The following TLN2 variants were observed in gnomAD, a reference collection of about 807,000 sequenced individuals.
TLN2 encodes the protein talin-2.
Under a neutral mutation model 294.7 loss-of-function variants are expected in TLN2, and 118 were observed. The ratio of observed to expected loss-of-function variants is 0.40; its 90% CI spans 0.34 to 0.47. The LOEUF is 0.47. Ranked by LOEUF, TLN2 falls within the 20% of genes least tolerant of loss-of-function variation. TLN2 has a pLI of 0.84. For missense variants in TLN2, 3,083 were observed against 3,282.2 expected (o/e 0.94, Z 1.48); for synonymous variants, 1,431 against 1,304.5 (o/e 1.10, Z -2.09).
chr15:62,618,657 C>A (rs1423978773), intron 3 of TLN2, among the ~76,000 whole-genome samples, 182 bp downstream of exon 3: 1 of 152,168 alleles, frequency 6.6e-6, no homozygotes, highest in Non-Finnish European at 1.5e-5. Context: ...TGAGTCAGAC[C>A]TTTGATGATT....
intron 1 of TLN2, among the ~76,000 whole-genome samples, chr15:62,569,607 G>A (rs1567115878): frequency 1.3e-5 from 2 of 152,230 alleles, no homozygotes; most frequent in South Asian, 4.1e-4. Flanking sequence ...TCTGGAGTCG[G>A]ATATCTCTCT....
rs539955417 is a variant in TLN2, at chr15:62,827,211, G to A, written c.7003-6293G>A. ...AAAGGCCAAGAAAAAGACCATGGGAGGACATTCTCTTCCCCTGCCCAACAC... is the reference window on the plus strand; with the variant it reads ...AAAGGCCAAGAAAAAGACCATGGGAAGACATTCTCTTCCCCTGCCCAACAC... On this transcript the variant is annotated intron_variant, in intron 54 of 58. Coordinates refer to ENST00000636159, the MANE Select transcript of TLN2 (RefSeq NM_015059.3). Among the ~76,000 whole-genome samples, 361 of 152,290 alleles carry A rather than the reference G, an allele frequency of 2.4e-3. 2 individuals carry two copies. Among genetic ancestry groups the A allele is most frequent in the African/African-American group, 8.3e-3 (343 of 41,564 alleles).
intron 22 of TLN2, among the ~76,000 whole-genome samples, chr15:62,713,464 A>T (rs754256315): frequency 6.6e-6 from 1 of 152,056 alleles, no homozygotes; most frequent in African/African-American, 2.4e-5. Context: ...GGATTACCTG[A>T]GGTCAGGAGT....
At chr15:62,721,101 C>G (rs550199853) in intron 25 of TLN2, among the ~76,000 whole-genome samples, 1 of 152,112 alleles carries the variant, frequency 6.6e-6, no homozygotes, top group Non-Finnish European at 1.5e-5. Context: ...CTTGTTTTCC[C>G]TTTTTCTTTT....
intron 22 of TLN2, among the ~76,000 whole-genome samples, chr15:62,715,698 A>C (rs1217048565): frequency 6.6e-6 from 1 of 152,084 alleles, no homozygotes; most frequent in Non-Finnish European, 1.5e-5. Context: ...ACGGCATTAC[A>C]TTTCTCTCAT....
rs192232881 is a variant in TLN2 at position 62,530,316 on chromosome 15, A to G, written c.-237-59371A>G. Among the ~76,000 whole-genome samples the G allele has an allele frequency of 2.2e-4, 33 of 152,154 alleles. No homozygotes were observed. The East Asian group carries it at 5.8e-3, about 27-fold the overall frequency. On this transcript the variant is annotated intron_variant, in intron 1 of 58. Transcript: ENST00000636159. ...TTTTGGGTCAAAGGAATATAAATGT[A>G]TTTGTTTGTTTGTTTATTTATTTAT...
In TLN2 at chr15:62,574,468, G is replaced by A. The variant is rs115584407; in HGVS notation, c.-237-15219G>A. On this transcript the variant is annotated intron_variant, in intron 1 of 58. Transcript: ENST00000636159. ...TGGTGGTACATGCTTGTAGCTCCAG[G>A]TACTCAGGAGACTAAGGTGGGAGGA... is the stretch of plus-strand genomic sequence containing the variant. 2.7e-3 allele frequency among the ~76,000 whole-genome samples: 408 copies of A among 151,144 alleles called. 4 individuals carry two copies. The highest frequency in any genetic ancestry group is 9.7e-3 in the African/African-American group (399 of 41,172).
chr15:62,539,403 G>C (rs973996820), intron 1 of TLN2, among the ~76,000 whole-genome samples: 2 of 152,136 alleles, frequency 1.3e-5, no homozygotes, highest in African/African-American at 4.8e-5. Context: ...CTGTCACCTA[G>C]TGGGCCCATG....
At chr15:62,523,722 C>G (rs2040585184) in intron 1 of TLN2, among the ~76,000 whole-genome samples, 1 of 152,094 alleles carries the variant, frequency 6.6e-6, no homozygotes, top group South Asian at 2.1e-4. Flanking sequence ...TTGGAAAGTA[C>G]ATATTTTTAA....
intron 1 of TLN2, among the ~76,000 whole-genome samples, chr15:62,569,231 C>A (rs2043664657): frequency 6.6e-6 from 1 of 152,166 alleles, no homozygotes; most frequent in Non-Finnish European, 1.5e-5. Flanking sequence ...ATTACGTCTG[C>A]AAATATCATT....
intron 28 of TLN2, among the ~76,000 whole-genome samples, chr15:62,735,507 G>A (rs2060963631): frequency 6.6e-6 from 1 of 152,110 alleles, no homozygotes; most frequent in South Asian, 2.1e-4. Flanking sequence ...ACCCATTAAG[G>A]ACATAAAAGT....
intron 54 of TLN2, chr15:62,829,128 T>G: frequency 6.9e-6 from 1 of 145,462 alleles, no homozygotes; most frequent in East Asian, 2.0e-4. Flanking sequence ...TTCTGTTTGG[T>G]TTTTGAGGGT....
chr15:62,721,349 G>A (rs1277425569), intron 25 of TLN2, among the ~76,000 whole-genome samples: 2 of 151,994 alleles, frequency 1.3e-5, no homozygotes, highest in African/African-American at 4.8e-5. Flanking sequence ...AAACATGTAT[G>A]TTTTTGCCAG....
In TLN2 at chr15:62,843,341, G is replaced by C. The variant is rs1168586526; in HGVS notation, c.*2731G>C. The C allele has an allele frequency of 2.6e-5, 4 of 152,210 alleles. No homozygotes were observed. Among genetic ancestry groups the C allele is most frequent in the East Asian group, 1.9e-4 (1 of 5,192 alleles). The allele number at this position is 152,210 out of a possible 1,614,324, so 9.4% of individuals were successfully genotyped here. ...GATTTGAAAATTTAGATTTTACTTG[G>C]GCCTTTCAGGAGTCTTTAGATAGGG... On this transcript the variant is annotated 3_prime_UTR_variant, in exon 59 of 59. Transcript: ENST00000636159.
At chr15:62,451,846 G>C (rs1284313785) in intron 1 of TLN2, among the ~76,000 whole-genome samples, 1 of 152,176 alleles carries the variant, frequency 6.6e-6, no homozygotes, top group East Asian at 1.9e-4. Flanking sequence ...AGCCGCTAGA[G>C]TGCCCCAAGT....
At chr15:62,447,385 C>T (rs974527405) in intron 1 of TLN2, among the ~76,000 whole-genome samples, 9 of 151,862 alleles carry the variant, frequency 5.9e-5, no homozygotes, top group African/African-American at 2.2e-4. Flanking sequence ...CAGCATGTGG[C>T]TGAGCTGTGA....
chr15:62,662,650 G>C (rs976850282), intron 9 of TLN2, among the ~76,000 whole-genome samples: 1 of 152,168 alleles, frequency 6.6e-6, no homozygotes, highest in Non-Finnish European at 1.5e-5. Flanking sequence ...AGATACAGCA[G>C]TGAAAGACAC....
chr15:62,797,199 T>G lies in TLN2; in HGVS notation c.6051-20T>G. 2 of 1,613,472 alleles carry G rather than the reference T, an allele frequency of 1.2e-6. No homozygotes were observed. The highest frequency in any genetic ancestry group is 3.3e-5 in the Admixed American group (2 of 60,022). ...GCCCTCTGTCTCTCCCCCTCTCCCC[T>G]GCCCTCCTGGCTCTCTCAGGGAGAA... On this transcript the variant is annotated intron_variant, in intron 47 of 58. Coordinates refer to ENST00000636159, the MANE Select transcript of TLN2 (RefSeq NM_015059.3).
At chr15:62,440,200 G>A (rs2035481882) in intron 1 of TLN2, among the ~76,000 whole-genome samples, 1 of 152,066 alleles carries the variant, frequency 6.6e-6, no homozygotes, top group Non-Finnish European at 1.5e-5. Context: ...GTCTCAGTTT[G>A]GGCCTCTCAC....
Sources: gnomAD v4.1 joint callset for allele counts (sites outside exome capture counted in the v4.1 genomes callset) on GRCh38, gnomAD v4.1.1 for gene constraint, MANE v1.5 for transcripts, NCBI Gene and HGNC (gene_info 2026-07-23, HGNC 2026-07-21) for gene names.